Variants in SDK1 observed in about 807,000 individuals in gnomAD.
The protein encoded by SDK1 is sidekick cell adhesion molecule 1.
In SDK1, 157 loss-of-function variants were observed where a neutral mutation model predicts 245.5. The ratio of observed to expected loss-of-function variants is 0.64; its 90% CI spans 0.56 to 0.73. SDK1 has a LOEUF of 0.73. Ranked by LOEUF, SDK1 falls within the 30% of genes least tolerant of loss-of-function variation. The pLI is 0.00. For synonymous variants in SDK1, 1,647 were observed against 1,278.5 expected (o/e 1.29, Z -6.15); for missense variants, 3,583 against 3,002.3 (o/e 1.19, Z -4.52).
chr7:4,082,723 C>G (rs1781141636), intron 22 of SDK1, among the ~76,000 whole-genome samples: 1 of 151,988 alleles, frequency 6.6e-6, no homozygotes, highest in Non-Finnish European at 1.5e-5. Flanking sequence ...TGGGCTCAAG[C>G]AATCCTCTCA....
At chr7:3,638,854 G>C (rs1363953261) in intron 2 of SDK1, 150 bp from the exon 3 acceptor site, 3 of 390,804 alleles carry the variant, frequency 7.7e-6, no homozygotes, top group South Asian at 1.5e-4. Flanking sequence ...GGGAAGGATT[G>C]CACAGATACT....
chr7:3,531,915 G>C (rs1044465660), intron 1 of SDK1, among the ~76,000 whole-genome samples: 10 of 152,254 alleles, frequency 6.6e-5, no homozygotes, highest in Admixed American at 1.3e-4. Context: ...TCATTTATTT[G>C]TACTAAAGTA....
At chr7:3,778,673 G>T (rs1780635282) in intron 4 of SDK1, among the ~76,000 whole-genome samples, 1 of 152,210 alleles carries the variant, frequency 6.6e-6, no homozygotes, top group African/African-American at 2.4e-5. Flanking sequence ...AATCCACCAT[G>T]TTCCGTAAAC....
chr7:4,083,278 G>A (rs779865394), intron 22 of SDK1, among the ~76,000 whole-genome samples: 10 of 148,222 alleles, frequency 6.7e-5, no homozygotes, highest in South Asian at 2.2e-4. Flanking sequence ...AACCCTCCCC[G>A]TCCCCACAAC....
At chr7:4,090,781 A>G (rs1002992986) in intron 22 of SDK1, among the ~76,000 whole-genome samples, 5 of 152,180 alleles carry the variant, frequency 3.3e-5, no homozygotes, top group South Asian at 2.1e-4. Flanking sequence ...CAGCTAGGAA[A>G]TGTACATATA....
At chr7:3,557,084 C>T (rs1203860499) in intron 1 of SDK1, among the ~76,000 whole-genome samples, 2 of 150,750 alleles carry the variant, frequency 1.3e-5, no homozygotes, top group Admixed American at 1.3e-4. Flanking sequence ...CCAGAACAAG[C>T]AGAAGGAAAG....
intron 14 of SDK1, among the ~76,000 whole-genome samples, chr7:4,010,396 A>G (rs1158776892): frequency 6.6e-6 from 1 of 152,194 alleles, no homozygotes; most frequent in Non-Finnish European, 1.5e-5. Context: ...GCTGGGTGGG[A>G]AGATATTCTA....
At chr7:3,924,166 G>C (rs187078753) in intron 5 of SDK1, among the ~76,000 whole-genome samples, 2 of 151,998 alleles carry the variant, frequency 1.3e-5, no homozygotes, top group African/African-American at 4.8e-5. Flanking sequence ...TCCAGGTGGG[G>C]ATGAGGAGGG....
chr7:3,458,571 G>C (rs1448534379), intron 1 of SDK1, among the ~76,000 whole-genome samples: 2 of 151,486 alleles, frequency 1.3e-5, no homozygotes, highest in Non-Finnish European at 2.9e-5. Context: ...TAAGGTAACA[G>C]TTGTGGCAAG....
At chr7:4,005,072 A>T (rs1281621981) in intron 14 of SDK1, among the ~76,000 whole-genome samples, 6 of 97,748 alleles carry the variant, frequency 6.1e-5, no homozygotes, top group African/African-American at 2.6e-4. Context: ...TTTGAGACGG[A>T]GTCTTGCTGT....
intron 1 of SDK1, among the ~76,000 whole-genome samples, chr7:3,561,570 G>C (rs1041269517): frequency 2.6e-5 from 4 of 152,138 alleles, no homozygotes; most frequent in African/African-American, 9.7e-5. Flanking sequence ...TGGTAGTTAC[G>C]GGTCAGGTGT....
intron 1 of SDK1, among the ~76,000 whole-genome samples, chr7:3,355,379 G>C (rs953267941): frequency 6.6e-6 from 1 of 152,140 alleles, no homozygotes; most frequent in East Asian, 1.9e-4. Flanking sequence ...GCAATGGTGC[G>C]ATCGTAGCTC....
intron 1 of SDK1, among the ~76,000 whole-genome samples, chr7:3,610,183 C>T (rs970166566): frequency 3.3e-5 from 5 of 152,200 alleles, no homozygotes; most frequent in African/African-American, 1.2e-4. Flanking sequence ...TAAACCTTCA[C>T]CATGTGGATA....
At chr7:4,018,193 G>A (rs1035971255) in intron 17 of SDK1, among the ~76,000 whole-genome samples, 2 of 152,138 alleles carry the variant, frequency 1.3e-5, no homozygotes, top group African/African-American at 2.4e-5. Flanking sequence ...TTATGCCCTC[G>A]CCTGATTCAC....
At chr7:3,713,036 C>A (rs1785094309) in intron 4 of SDK1, among the ~76,000 whole-genome samples, 1 of 152,208 alleles carries the variant, frequency 6.6e-6, no homozygotes, top group East Asian at 1.9e-4. Flanking sequence ...CCAAGGCGTG[C>A]CCATGTGGCT....
At chr7:3,405,567 C>G (rs1312209026) in intron 1 of SDK1, among the ~76,000 whole-genome samples, 5 of 152,086 alleles carry the variant, frequency 3.3e-5, no homozygotes, top group African/African-American at 1.2e-4. Context: ...TGTTTGTTGC[C>G]TTTGAAAGCT....
At chr7:3,882,600 G>A (rs1781233931) in intron 5 of SDK1, among the ~76,000 whole-genome samples, 1 of 152,208 alleles carries the variant, frequency 6.6e-6, no homozygotes, top group Admixed American at 6.5e-5. Flanking sequence ...CCATCTTTGA[G>A]AGAAGTGTAC....
intron 40 of SDK1, among the ~76,000 whole-genome samples, chr7:4,228,793 C>T (rs1176691488): frequency 6.6e-6 from 1 of 152,172 alleles, no homozygotes; most frequent in African/African-American, 2.4e-5. Flanking sequence ...CTACCTCGGT[C>T]TCCCAAAGTG....
At chr7:3,389,977 C>T (rs1429306955) in intron 1 of SDK1, among the ~76,000 whole-genome samples, 1 of 152,028 alleles carries the variant, frequency 6.6e-6, no homozygotes, top group African/African-American at 2.4e-5. Context: ...AGGAAATGAG[C>T]TTGTTATTGG....
Sources: gnomAD v4.1 joint callset for allele counts (sites outside exome capture counted in the v4.1 genomes callset) on GRCh38, gnomAD v4.1.1 for gene constraint, MANE v1.5 for transcripts, NCBI Gene and HGNC (gene_info 2026-07-23, HGNC 2026-07-21) for gene names.